Variants in MACF1 observed in about 807,000 individuals in gnomAD.
MACF1 encodes the protein microtubule-actin cross-linking factor 1.
In MACF1, 193 loss-of-function variants were observed where a neutral mutation model predicts 854.8. That is an observed-to-expected ratio of 0.23 (90% CI 0.20 to 0.25). MACF1 has a LOEUF of 0.25. Ranked by LOEUF, MACF1 falls within the 10% of genes least tolerant of loss-of-function variation. The pLI, the probability that MACF1 is intolerant of heterozygous loss-of-function variation, is 1.00. For synonymous variants in MACF1, 3,185 were observed against 3,226.7 expected (o/e 0.99, Z 0.44); for missense variants, 7,722 against 8,929.1 (o/e 0.86, Z 5.45).
At chr1:39,247,516 T>C (rs1484912419) in intron 2 of MACF1, among the ~76,000 whole-genome samples, 1 of 152,260 alleles carries the variant, frequency 6.6e-6, no homozygotes, top group Admixed American at 6.5e-5. Context: ...TTATGTCTGT[T>C]GTGTCTCTGT....
chr1:39,377,780 G>C (rs1306458137), intron 52 of MACF1, among the ~76,000 whole-genome samples: 1 of 152,216 alleles, frequency 6.6e-6, no homozygotes, highest in African/African-American at 2.4e-5. Flanking sequence ...GAGGCAGGCA[G>C]ATCACCTGAG....
At position 39,452,735 on chromosome 1, in the gene MACF1, G is replaced by A; in HGVS notation, c.20665G>A (p.Ala6889Thr). 2.5e-6 allele frequency: 4 copies of A among 1,613,946 alleles called. No individual in the cohort carries two copies. The highest frequency in any genetic ancestry group is 3.4e-6 in the Non-Finnish European group (4 of 1,180,032). The change falls in exon 87 of 101, where the codon GCA (alanine) becomes ACA (threonine). Residue 6889 changes from alanine (A) to threonine (T), a missense_variant. This residue lies in a region of MACF1 where 729 missense variants were observed against 900.5 expected (regional missense o/e 0.81). Coordinates refer to ENST00000564288, the MANE Select transcript of MACF1 (RefSeq NM_001394062.1). ...VHMLLEWLSEAEQTLRFRGAL... is the reference protein window; with the variant it reads ...VHMLLEWLSETEQTLRFRGAL... ...CATGCTGTTGGAGTGGCTTTCTGAA[G>A]CAGAGCAAACGCTTCGCTTTCGGGG... is the stretch of plus-strand genomic sequence containing the variant.
upstream of MACF1, among the ~76,000 whole-genome samples, chr1:39,201,223 T>C (rs1327708351): frequency 1.3e-5 from 2 of 152,192 alleles, no homozygotes; most frequent in Non-Finnish European, 2.9e-5. Context: ...TCTTACCACC[T>C]CTGTGGCCAC....
chr1:39,328,647 G>A (rs764661970), intron 36 of MACF1: 6 of 152,168 alleles, frequency 3.9e-5, no homozygotes, highest in Non-Finnish European at 7.3e-5. Flanking sequence ...TGTGTGATAC[G>A]GCTGAGCTGC....
chr1:39,410,292 C>T, intron 58 of MACF1: 1 of 1,602,664 alleles, frequency 6.2e-7, no homozygotes, highest in Non-Finnish European at 8.5e-7. Flanking sequence ...GCAGACCAGA[C>T]TGTTTAAGGC....
intron 2 of MACF1, among the ~76,000 whole-genome samples, chr1:39,112,276 C>T (rs939081688): frequency 2.0e-5 from 3 of 151,666 alleles, no homozygotes; most frequent in Non-Finnish European, 2.9e-5. Context: ...TTAATAGAGA[C>T]GGTTTCACCA....
intron 2 of MACF1, among the ~76,000 whole-genome samples, chr1:39,093,511 G>C (rs2148123305): frequency 7.1e-6 from 1 of 140,728 alleles, no homozygotes; most frequent in Non-Finnish European, 1.5e-5. Context: ...TTTTGAGACG[G>C]AGTCTTGCCC....
intron 6 of MACF1, among the ~76,000 whole-genome samples, chr1:39,268,295 C>G (rs1022837847): frequency 6.6e-6 from 1 of 152,142 alleles, no homozygotes; most frequent in Non-Finnish European, 1.5e-5. Context: ...TTTCCCTCCT[C>G]CTCCTGGCCC....
intron 58 of MACF1, among the ~76,000 whole-genome samples, chr1:39,419,329 T>G (rs1643443414): frequency 6.6e-6 from 1 of 152,228 alleles, no homozygotes; most frequent in Admixed American, 6.5e-5. Context: ...GTAAACAAAG[T>G]AAATCCAAAA....
At chr1:39,362,181 C>G (rs1648245629) in intron 49 of MACF1, among the ~76,000 whole-genome samples, 1 of 152,162 alleles carries the variant, frequency 6.6e-6, no homozygotes, top group Non-Finnish European at 1.5e-5. Flanking sequence ...ACTGCCAAGT[C>G]ATAGTATATG....
intron 38 of MACF1, among the ~76,000 whole-genome samples, chr1:39,339,589 G>A (rs1042787827): frequency 2.0e-5 from 3 of 152,206 alleles, no homozygotes; most frequent in Non-Finnish European, 4.4e-5. Flanking sequence ...CTTCTTTCCA[G>A]AAGTCTTAGG....
At chr1:39,393,196 A>AAAAAAAAATATATATATATATATAT (rs57576149) in intron 58 of MACF1, among the ~76,000 whole-genome samples, 1 of 66,576 alleles carries the variant, frequency 1.5e-5, no homozygotes, top group African/African-American at 8.4e-5. Context: ...AAAAAAAAAA[A>AAAAAAAAATATATATATATATATAT]ATATATATAT....
chr1:39,447,393 T>C, intron 80 of MACF1, 39 bp from the exon 81 acceptor site: 1 of 1,600,874 alleles, frequency 6.2e-7, no homozygotes. Context: ...AAATTGGCGC[T>C]TTTTCTTTCT....
chr1:39,331,895 G>A lies in MACF1; in HGVS notation c.5307G>A (p.Gln1769=), dbSNP rs144885214. Residue 1769 remains glutamine (Q), a synonymous_variant, in exon 37 of 101, where the codon CAG becomes CAA. Transcript: ENST00000564288. The part of the protein sequence containing the change: ...RQVTVRLLEA[Q]LFAGGIVDPR... ...TCACTGTCCGGTTGCTGGAAGCTCA[G>A]CTTTTTGCTGGTGGCATAGTAGATC... is the stretch of plus-strand genomic sequence containing the variant. The A allele has an allele frequency of 9.3e-6, 15 of 1,614,014 alleles. No individual in the cohort carries two copies. In the African/African-American group the frequency reaches 1.6e-4, roughly 17 times the overall value.
At chr1:39,424,005 G>T in intron 60 of MACF1, 23 bp from the exon 61 acceptor site, 1 of 1,573,948 alleles carries the variant, frequency 6.4e-7, no homozygotes, top group Non-Finnish European at 8.6e-7. Flanking sequence ...CTGTGTTACA[G>T]CTTTTCATTC....
At position 39,269,626 on chromosome 1, in the gene MACF1, A is replaced by G. The variant is rs1416704588; in HGVS notation, c.528+11598A>G. 5 of 1,289,784 alleles carry G rather than the reference A, an allele frequency of 3.9e-6. No homozygotes were observed. In the South Asian group the frequency reaches 6.2e-5, roughly 16 times the overall value. 79.9% of individuals were successfully genotyped at this position (1,289,784 alleles called of 1,614,324 possible). ...CACATACATGGGATCCAGCCTAAAG[A>G]TACAGAACCTGAAAAGAGCTCTACT... On this transcript the variant is annotated intron_variant, in intron 6 of 100. Transcript: ENST00000564288.
chr1:39,168,155 C>CT (rs1643901566), intron 2 of MACF1, among the ~76,000 whole-genome samples: 1 of 152,186 alleles, frequency 6.6e-6, no homozygotes. Flanking sequence ...TCTGTTTCCT[C>CT]TGAGATCTCT....
At chr1:39,243,436 C>G (rs530549699) in intron 2 of MACF1, among the ~76,000 whole-genome samples, 66 of 152,322 alleles carry the variant, frequency 4.3e-4, no homozygotes, top group African/African-American at 1.3e-3. Flanking sequence ...GGATCTCACT[C>G]TGTTGTCCAG....
At chr1:39,397,541 A>G (rs986627470) in intron 58 of MACF1, among the ~76,000 whole-genome samples, 1 of 151,930 alleles carries the variant, frequency 6.6e-6, no homozygotes, top group African/African-American at 2.4e-5. Flanking sequence ...CAGCCTGGGC[A>G]ACGAGCGAAA....
Sources: gnomAD v4.1 joint callset for allele counts (sites outside exome capture counted in the v4.1 genomes callset) on GRCh38, gnomAD v4.1.1 for gene constraint, gnomAD v4.1.1 regional missense constraint, MANE v1.5 for transcripts, NCBI Gene and HGNC (gene_info 2026-07-23, HGNC 2026-07-21) for gene names.